Variants in VAV3 observed in about 807,000 individuals in gnomAD.
VAV3 encodes the protein guanine nucleotide exchange factor VAV3.
Under a neutral mutation model 131.2 loss-of-function variants are expected in VAV3, and 94 were observed. That is an observed-to-expected ratio of 0.72 (90% CI 0.61 to 0.85). The LOEUF is 0.85. Ranked by LOEUF, VAV3 falls within the 40% of genes least tolerant of loss-of-function variation. The pLI, the probability that VAV3 is intolerant of heterozygous loss-of-function variation, is 0.00. For synonymous variants in VAV3, 349 were observed against 342.0 expected, an observed-to-expected ratio of 1.02 and a Z score of -0.22; for missense variants, 939 against 1,002.7, an observed-to-expected ratio of 0.94 and a Z score of 0.86.
At chr1:107,742,525 T>C (rs1570877312) in intron 15 of VAV3, among the ~76,000 whole-genome samples, 1 of 152,204 alleles carries the variant, frequency 6.6e-6, no homozygotes, top group Non-Finnish European at 1.5e-5. Context: ...GAAAGATAAA[T>C]TGAGATTCCA....
At chr1:107,887,728 G>A (rs1032631356) in intron 1 of VAV3, among the ~76,000 whole-genome samples, 1 of 152,032 alleles carries the variant, frequency 6.6e-6, no homozygotes, top group African/African-American at 2.4e-5. Flanking sequence ...GTACCACTAC[G>A]ATACCCCAAC....
intron 2 of VAV3, among the ~76,000 whole-genome samples, chr1:107,790,375 T>C (rs1442778318): frequency 6.6e-6 from 1 of 152,180 alleles, no homozygotes; most frequent in Non-Finnish European, 1.5e-5. Flanking sequence ...CTGAGAAAAC[T>C]GGACAAGACC....
chr1:107,695,812 G>C (rs909794263), intron 17 of VAV3, among the ~76,000 whole-genome samples: 5 of 152,142 alleles, frequency 3.3e-5, no homozygotes, highest in African/African-American at 1.2e-4. Context: ...AAATGAAAGA[G>C]AAAGGTCAAG....
At chr1:107,780,058 G>A (rs1400144152) in intron 2 of VAV3, among the ~76,000 whole-genome samples, 15 of 152,122 alleles carry the variant, frequency 9.9e-5, no homozygotes, top group Admixed American at 9.8e-4. Flanking sequence ...TGAGACTGTG[G>A]GCGGGCTCTT....
At chr1:107,944,539 G>A (rs1674157121) in intron 1 of VAV3, among the ~76,000 whole-genome samples, 1 of 152,052 alleles carries the variant, frequency 6.6e-6, no homozygotes, top group Non-Finnish European at 1.5e-5. Flanking sequence ...ATATTGTAGG[G>A]GTGAAATAAA....
At chr1:107,749,330 T>G in intron 14 of VAV3, 132 bp downstream of exon 14, 1 of 1,046,878 alleles carries the variant, frequency 9.6e-7, no homozygotes, top group Non-Finnish European at 1.3e-6. Context: ...CACAAAGTTA[T>G]GTACCTAATC....
intron 2 of VAV3, among the ~76,000 whole-genome samples, chr1:107,840,179 G>A (rs1485484005): frequency 6.6e-6 from 1 of 152,150 alleles, no homozygotes; most frequent in Non-Finnish European, 1.5e-5. Context: ...CTGTTAGCCT[G>A]TAAATGTTGT....
At chr1:107,575,227 C>T (rs1428959027) in intron 25 of VAV3, among the ~76,000 whole-genome samples, 1 of 152,122 alleles carries the variant, frequency 6.6e-6, no homozygotes, top group African/African-American at 2.4e-5. Flanking sequence ...TTCTGAGAAT[C>T]ACTCATCGGA....
chr1:107,796,325 G>A (rs1160348726), intron 2 of VAV3, among the ~76,000 whole-genome samples: 1 of 152,066 alleles, frequency 6.6e-6, no homozygotes, highest in African/African-American at 2.4e-5. Context: ...ACCCAACCAA[G>A]CTGCCCGGCT....
At chr1:107,762,268 TTTG>T (rs1664484974) in intron 9 of VAV3, among the ~76,000 whole-genome samples, 1 of 152,082 alleles carries the variant, frequency 6.6e-6, no homozygotes, top group African/African-American at 2.4e-5. Context: ...TGCTCACAAG[TTTG>T]TTTCTTCTTT....
intron 20 of VAV3, among the ~76,000 whole-genome samples, chr1:107,630,414 C>A (rs1488519834): frequency 2.0e-5 from 3 of 149,804 alleles, no homozygotes; most frequent in Non-Finnish European, 4.5e-5. Flanking sequence ...TGTGCTAGAA[C>A]TCCTTTGTGT....
At chr1:107,600,331 A>G (rs1651746660) in intron 24 of VAV3, among the ~76,000 whole-genome samples, 1 of 151,780 alleles carries the variant, frequency 6.6e-6, no homozygotes, top group African/African-American at 2.4e-5. Flanking sequence ...TGATATTGAG[A>G]TTTTTTTTCC....
At chr1:107,655,285 A>G (rs1570694223) in intron 19 of VAV3, among the ~76,000 whole-genome samples, 1 of 152,278 alleles carries the variant, frequency 6.6e-6, no homozygotes, top group African/African-American at 2.4e-5. Context: ...CACATAGACC[A>G]ATGGAACAGA....
intron 1 of VAV3, among the ~76,000 whole-genome samples, chr1:107,938,212 A>G (rs763114703): frequency 1.5e-4 from 23 of 152,292 alleles, no homozygotes; most frequent in Admixed American, 4.6e-4. Context: ...AGAGGAGGCG[A>G]TCCCCGAGCC....
chr1:107,612,634 A>C (rs184765473), intron 21 of VAV3, among the ~76,000 whole-genome samples: 3 of 152,196 alleles, frequency 2.0e-5, no homozygotes, highest in Admixed American at 2.0e-4. Flanking sequence ...TCCTTTGCAT[A>C]CTGAGTAATT....
In VAV3 at chr1:107,604,820, G is replaced by T. The variant is rs565037348; in HGVS notation, c.2016-1657C>A. 1.5e-4 allele frequency among the ~76,000 whole-genome samples: 23 copies of T among 152,254 alleles called. No individual in the cohort carries two copies. In the Middle Eastern group the frequency reaches 0.01, roughly 68 times the overall value. ...CCATTCACATTATAATAATGAAAAA[G>T]CAGCAGTATTCCATCAGACCAGCAT... is the stretch of plus-strand genomic sequence containing the variant. On this transcript the variant is annotated intron_variant, in intron 22 of 26. Transcript: ENST00000370056.
In VAV3 at chr1:107,918,686, C is replaced by CAT. The variant is rs67156403; in HGVS notation, c.205-43671_205-43670dup. 4.6e-3 allele frequency among the ~76,000 whole-genome samples: 612 copies of CAT among 134,308 alleles called. 5 individuals carry two copies. Among genetic ancestry groups the CAT allele is most frequent in the African/African-American group, 0.011 (393 of 35,412 alleles). 88.1% of individuals were successfully genotyped at this position (134,308 alleles called of 152,430 possible). ...GGCATATATATATATATTTTTAAGG[C>CAT]ATATATATATATATATATATTTTTT... On this transcript the variant is annotated intron_variant, in intron 1 of 26. Coordinates refer to ENST00000370056, the MANE Select transcript of VAV3 (RefSeq NM_006113.5).
chr1:107,647,275 G>T (rs529910880), intron 19 of VAV3, among the ~76,000 whole-genome samples: 64 of 149,664 alleles, frequency 4.3e-4, no homozygotes, highest in African/African-American at 1.5e-3. Flanking sequence ...CACCTCTGAG[G>T]CCCAATTTAA....
At chr1:107,606,623 G>T (rs1206829940) in intron 22 of VAV3, among the ~76,000 whole-genome samples, 1 of 151,810 alleles carries the variant, frequency 6.6e-6, no homozygotes, top group African/African-American at 2.4e-5. Flanking sequence ...TGACTTTTTG[G>T]AAGATTTGCT....
Sources: allele counts gnomAD v4.1 joint callset (sites outside exome capture counted in the v4.1 genomes callset), GRCh38; gene constraint gnomAD v4.1.1; transcripts MANE v1.5; gene names NCBI Gene and HGNC (gene_info 2026-07-23, HGNC 2026-07-21).